The following EDA variants were observed in gnomAD, a reference collection of about 807,000 sequenced individuals.
EDA encodes the protein ectodysplasin A.
In EDA, 2 loss-of-function variants were observed where a neutral mutation model predicts 23.6. The observed-to-expected ratio is 0.08, with a 90% CI of 0.03 to 0.27. The LOEUF is 0.27. EDA is among the 10% of genes least tolerant of loss of function. The pLI is 1.00. For synonymous variants in EDA, 131 were observed against 132.0 expected (o/e 0.99, Z 0.05); for missense variants, 229 against 324.2 (o/e 0.71, Z 2.26).
chrX:69,703,400 A>G (rs2011592077), intron 1 of EDA, among the ~76,000 whole-genome samples: 1 of 112,079 alleles, frequency 8.9e-6, no homozygotes, highest in African/African-American at 3.2e-5. Context: ...GCGTAGGTCC[A>G]CAGGGGACAT....
At chrX:69,942,067 G>A (rs1031391362) in intron 1 of EDA, among the ~76,000 whole-genome samples, 4 of 111,441 alleles carry the variant, frequency 3.6e-5, no homozygotes, top group Non-Finnish European at 7.6e-5. Context: ...AAGAGAAAAC[G>A]AATAGACACT....
chrX:70,011,423 C>G (rs1026548067), intron 2 of EDA, among the ~76,000 whole-genome samples: 1 of 107,976 alleles, frequency 9.3e-6, no homozygotes, highest in Non-Finnish European at 1.9e-5. Context: ...CTCTGCCTCC[C>G]GGGTTCAAGC....
At chrX:69,864,608 T>G (rs2017454272) in intron 1 of EDA, among the ~76,000 whole-genome samples, 1 of 111,871 alleles carries the variant, frequency 8.9e-6, no homozygotes, top group Admixed American at 9.5e-5. Context: ...CAAACCAAGA[T>G]GAAATCTCTG....
chrX:69,874,299 C>T (rs189872015), intron 1 of EDA, among the ~76,000 whole-genome samples: 40 of 107,769 alleles, frequency 3.7e-4, no homozygotes, highest in African/African-American at 1.2e-3. Flanking sequence ...GCAAAAAGAG[C>T]GAAACTCTGC....
At chrX:69,727,578 T>A (rs1291559534) in intron 1 of EDA, among the ~76,000 whole-genome samples, 1 of 112,077 alleles carries the variant, frequency 8.9e-6, no homozygotes, top group Non-Finnish European at 1.9e-5. Flanking sequence ...CTAATCACCT[T>A]CCAAAGGCCC....
chrX:69,864,906 G>A (rs1420857670), intron 1 of EDA, among the ~76,000 whole-genome samples: 3 of 111,314 alleles, frequency 2.7e-5, no homozygotes, highest in African/African-American at 9.8e-5. Flanking sequence ...TATGAGAACT[G>A]CTTGAACCTG....
At chrX:69,708,550 T>C (rs1424733161) in intron 1 of EDA, among the ~76,000 whole-genome samples, 2 of 111,432 alleles carry the variant, frequency 1.8e-5, no homozygotes, top group African/African-American at 6.5e-5. Context: ...ATAAAGTGAA[T>C]GAAGCTTAAA....
At chrX:69,957,227 C>T in intron 2 of EDA, 95 bp downstream of exon 2, 1 of 876,928 alleles carries the variant, frequency 1.1e-6, no homozygotes. Context: ...CATGGTGGCT[C>T]ACGCCTGTAA....
chrX:69,961,860 T>C (rs774354536), intron 2 of EDA, among the ~76,000 whole-genome samples: 9 of 112,221 alleles, frequency 8.0e-5, no homozygotes. Flanking sequence ...TCACAACAGT[T>C]CTAGAAATCT....
At position 69,827,710 on chromosome X, in the gene EDA, A is replaced by C. The variant is rs866160693; in HGVS notation, c.397-129317A>C. Among the ~76,000 whole-genome samples the C allele has an allele frequency of 2.2e-4, 25 of 112,375 alleles. No individual in the cohort carries two copies. The East Asian group carries it at 3.4e-3, about 15-fold the overall frequency. On this transcript the variant is annotated intron_variant, in intron 1 of 7. Transcript: ENST00000374552. ...CTTCTTCTCTCAGCTCGTCAAAGTC[A>C]TTCAACGTCCAGCTTTGTTCCATTG... is the stretch of plus-strand genomic sequence containing the variant.
At chrX:69,801,838 A>G (rs2015694557) in intron 1 of EDA, among the ~76,000 whole-genome samples, 1 of 111,917 alleles carries the variant, frequency 8.9e-6, no homozygotes. Context: ...AAAAATCACC[A>G]AGTCTGACAG....
intron 1 of EDA, among the ~76,000 whole-genome samples, chrX:69,647,124 A>G (rs1055018432): frequency 2.7e-5 from 3 of 110,307 alleles, no homozygotes; most frequent in African/African-American, 9.9e-5. Flanking sequence ...TGCCCTTAAC[A>G]TTTTTTCTTT....
At chrX:69,815,339 G>A (rs1048175465) in intron 1 of EDA, among the ~76,000 whole-genome samples, 78 of 109,184 alleles carry the variant, frequency 7.1e-4, no homozygotes, top group African/African-American at 2.4e-3. Context: ...ATTCCTCCTC[G>A]CTGGGTGGGA....
chrX:69,752,782 A>T (rs959760378), intron 1 of EDA, among the ~76,000 whole-genome samples: 4 of 111,882 alleles, frequency 3.6e-5, no homozygotes, highest in Non-Finnish European at 7.5e-5. Flanking sequence ...CAGGGATTCA[A>T]CTTCTTCCTG....
At chrX:69,862,047 A>C (rs1164539921) in intron 1 of EDA, among the ~76,000 whole-genome samples, 1 of 112,150 alleles carries the variant, frequency 8.9e-6, no homozygotes, top group Non-Finnish European at 1.9e-5. Flanking sequence ...GGAATCTGGA[A>C]GTAATTTACT....
chrX:70,021,497 G>T (rs1272176917), intron 2 of EDA, among the ~76,000 whole-genome samples: 1 of 111,481 alleles, frequency 9.0e-6, no homozygotes, highest in Non-Finnish European at 1.9e-5. Context: ...CAAGAAAAAG[G>T]CGTTTCTCAG....
At chrX:69,688,305 AG>A (rs767777793) in intron 1 of EDA, among the ~76,000 whole-genome samples, 18 of 112,158 alleles carry the variant, frequency 1.6e-4, no homozygotes, top group African/African-American at 5.2e-4. Flanking sequence ...TTCATAGAAG[AG>A]GTGATACTTG....
At chrX:69,747,376 C>T (rs2013656173) in intron 1 of EDA, among the ~76,000 whole-genome samples, 1 of 112,347 alleles carries the variant, frequency 8.9e-6, no homozygotes, top group African/African-American at 3.2e-5. Flanking sequence ...TTCTTAGGAA[C>T]CAAGGGAAAG....
chrX:69,911,805 A>G (rs1452082436), intron 1 of EDA, among the ~76,000 whole-genome samples: 2 of 112,577 alleles, frequency 1.8e-5, no homozygotes, highest in East Asian at 5.6e-4. Flanking sequence ...GCCTTCAGTC[A>G]TAATCTTTTT....
Sources: allele counts gnomAD v4.1 joint callset (sites outside exome capture counted in the v4.1 genomes callset), GRCh38; gene constraint gnomAD v4.1.1; transcripts MANE v1.5; gene names NCBI Gene and HGNC (gene_info 2026-07-23, HGNC 2026-07-21).